The following ZFHX2 variants were observed in gnomAD, a reference collection of about 807,000 sequenced individuals.
ZFHX2 encodes zinc finger homeobox protein 2.
A neutral mutation model predicts 164.8 loss-of-function variants in ZFHX2; 75 were observed. The observed-to-expected ratio is 0.46, with a 90% CI of 0.38 to 0.55. The LOEUF (loss-of-function observed/expected upper bound fraction) is 0.55. ZFHX2 is among the 20% of genes least tolerant of loss of function. ZFHX2 has a pLI of 0.00. For synonymous variants in ZFHX2, 1,217 were observed against 1,351.4 expected, an observed-to-expected ratio of 0.90 and a Z score of 2.18; for missense variants, 2,933 against 3,308.0, an observed-to-expected ratio of 0.89 and a Z score of 2.78.
upstream of ZFHX2, among the ~76,000 whole-genome samples, chr14:23,551,876 G>A (rs1881989381): frequency 6.6e-6 from 1 of 152,176 alleles, no homozygotes; most frequent in African/African-American, 2.4e-5. This position sits in a 1 kb window ranked among gnomAD's most constrained non-coding sequence, Gnocchi z 5.3. Context: ...CTGCCTCGCG[G>A]GACCCAGGGC....
upstream of ZFHX2, among the ~76,000 whole-genome samples, chr14:23,553,928 G>A (rs149539527): frequency 6.6e-6 from 1 of 151,854 alleles, no homozygotes; most frequent in East Asian, 1.9e-4. Flanking sequence ...GGAGGGTGGG[G>A]TGGCACGTGC....
rs1257750729 is a variant in ZFHX2, at chr14:23,532,611, G to A, written c.2515C>T (p.His839Tyr). 1.4e-6 allele frequency: 2 copies of A among 1,453,610 alleles called. No individual in the cohort carries two copies. Among genetic ancestry groups the A allele is most frequent in the Admixed American group, 5.1e-5 (2 of 39,440 alleles). The allele number at this position is 1,453,610 out of a possible 1,614,324, so 90.0% of individuals were successfully genotyped here. A position where few individuals can be genotyped will look rare whatever the true frequency, so the allele number is the denominator to read the frequency against. The stretch of plus-strand genomic sequence containing the variant: ...TCTTCGTGGGCTGCACCCCTGGCAT[G>A]CAGCTGCATCTTCTCCTTGCTGTTG... ...ESNSKEKMQL[H>Y]ARGAAHEENS... The change falls in exon 3 of 10, where the codon CAT becomes TAT. Residue 839 changes from histidine (H) to tyrosine (Y), a missense_variant. His to Tyr is a moderately conservative substitution (Grantham distance 83, BLOSUM62 2). Coordinates refer to ENST00000419474, the MANE Select transcript of ZFHX2 (RefSeq NM_033400.3).
intron 6 of ZFHX2, among the ~76,000 whole-genome samples, chr14:23,528,062 C>T (rs976302561): frequency 6.6e-6 from 1 of 152,144 alleles, no homozygotes; most frequent in Non-Finnish European, 1.5e-5. Flanking sequence ...CGTGTGCAAC[C>T]ACGCCCAGCT....
upstream of ZFHX2, among the ~76,000 whole-genome samples, chr14:23,552,976 T>C (rs889760224): frequency 2.6e-5 from 4 of 152,202 alleles, no homozygotes; most frequent in African/African-American, 9.7e-5. Flanking sequence ...TTACATACAT[T>C]GTTTACTCCT....
Position 23,534,581 on chromosome 14 carries a change from G to A in ZFHX2, c.745C>T (p.Pro249Ser). 1 of 1,536,152 alleles carries A rather than the reference G, an allele frequency of 6.5e-7. No individual in the cohort carries two copies. Among genetic ancestry groups the A allele is most frequent in the Non-Finnish European group, 8.7e-7 (1 of 1,146,910 alleles). The change falls in exon 2 of 10, where the codon CCC (proline) becomes TCC (serine). Residue 249 changes from proline to serine, a missense_variant. Physicochemically the swap from Pro to Ser is moderately conservative, Grantham distance 74 (BLOSUM62 -1). Coordinates refer to ENST00000419474, the MANE Select transcript of ZFHX2 (RefSeq NM_033400.3). The surrounding 1 kb of genome is among the most constrained non-coding windows in gnomAD (Gnocchi z 4.5). ...CLLCRLGFSK[P>S]QAFMDHTQSH... ...TGTGTGTGATCCATAAAGGCCTGGG[G>A]CTTGCTGAAACCCAGGCGGCACAGA...
Position 23,532,862 on chromosome 14 carries a change from C to A in ZFHX2, c.2264G>T (p.Gly755Val). The A allele has an allele frequency of 6.5e-7, 1 of 1,536,218 alleles. No individual in the cohort carries two copies. Among genetic ancestry groups the A allele is most frequent in the Non-Finnish European group, 8.7e-7 (1 of 1,146,926 alleles). The part of the protein sequence containing the change: ...LPEAEWKEVA[G>V]DTHRCKLCCY... ...GCAAAGCTTGCAGCGGTGGGTGTCA[C>A]CAGCCACCTCCTTCCATTCAGCTTC... The change falls in exon 3 of 10, where the codon GGT (glycine) becomes GTT (valine). Residue 755 changes from glycine (G) to valine (V), a missense_variant. By Grantham distance (109) the Gly-to-Val change is moderately radical. Coordinates refer to ENST00000419474, the MANE Select transcript of ZFHX2 (RefSeq NM_033400.3).
chr14:23,539,422 A>T (rs1400645742), intron 1 of ZFHX2, among the ~76,000 whole-genome samples: 1 of 152,204 alleles, frequency 6.6e-6, no homozygotes, highest in East Asian at 1.9e-4. Context: ...AGCTGCCGAG[A>T]GAGAAATGTG....
At chr14:23,529,685 T>C in intron 6 of ZFHX2, 25 bp downstream of exon 6, 1 of 1,534,866 alleles carries the variant, frequency 6.5e-7, no homozygotes, top group Non-Finnish European at 8.7e-7. Flanking sequence ...CCACTTCAGC[T>C]CTTCCCAGTT....
chr14:23,527,017 T>C (rs896921700), intron 7 of ZFHX2, 44 bp from the exon 8 acceptor site: 16 of 1,462,366 alleles, frequency 1.1e-5, no homozygotes, highest in African/African-American at 4.2e-5. Flanking sequence ...CACCCCCCAC[T>C]GCCCCTATGC....
At chr14:23,529,840 G>T (rs1027269555) in intron 5 of ZFHX2, 72 bp from the exon 6 acceptor site, 1 of 1,461,140 alleles carries the variant, frequency 6.8e-7, no homozygotes. Flanking sequence ...AGAGCTTCCA[G>T]GGTAGGGAGT....
Position 23,534,354 on chromosome 14 carries a change from G to A in ZFHX2, c.972C>T (p.Gly324=), listed in dbSNP as rs1420415442. The A allele has an allele frequency of 3.3e-6, 5 of 1,536,676 alleles. No homozygotes were observed. The highest frequency in any genetic ancestry group is 2.4e-5 in the East Asian group (1 of 40,916). ...MEANVAQTED[G]PPEAEVQALI... is the part of the protein sequence containing the mutation. ...GGGCCTGGACTTCTGCCTCAGGGGG[G>A]CCATCCTCTGTCTGGGCCACATTCG... Residue 324 remains glycine, a synonymous_variant, in exon 2 of 10, where the codon GGC becomes GGT. Coordinates refer to ENST00000419474, the MANE Select transcript of ZFHX2 (RefSeq NM_033400.3). This position sits in a 1 kb window ranked among gnomAD's most constrained non-coding sequence, Gnocchi z 4.5.
At position 23,523,432 on chromosome 14, in the gene ZFHX2, G is replaced by A; in HGVS notation, c.6510C>T (p.His2170=). 1.3e-6 allele frequency: 2 copies of A among 1,534,440 alleles called. No individual in the cohort carries two copies. The highest frequency in any genetic ancestry group is 4.9e-5 in the East Asian group (2 of 40,916). The change falls in exon 9 of 10, where the codon CAC becomes CAT. Residue 2170 remains histidine, a synonymous_variant. Transcript: ENST00000419474. This position sits in a 1 kb window ranked among gnomAD's most constrained non-coding sequence, Gnocchi z 4.1. ...SCRGHLFSRQ[H]LAKLKEAVRA... is the part of the protein sequence containing the mutation. ...GAACCGCCTCCTTGAGCTTGGCCAGGTGCTGACGGGAAAAGAGATGGCCTC... is the reference window on the plus strand; with the variant it reads ...GAACCGCCTCCTTGAGCTTGGCCAGATGCTGACGGGAAAAGAGATGGCCTC...
Position 23,524,695 on chromosome 14 carries a change from T to G in ZFHX2, c.5247A>C (p.Ala1749=), listed in dbSNP as rs1878479737. The G allele has an allele frequency of 6.5e-7, 1 of 1,536,304 alleles. No individual in the cohort carries two copies. Among genetic ancestry groups the G allele is most frequent in the South Asian group, 1.2e-5 (1 of 84,056 alleles). ...PDGEELSQAE[A]TKAGGKEPEE... is the part of the protein sequence containing the mutation. The stretch of plus-strand genomic sequence containing the variant: ...CAGGCTCTTTGCCTCCTGCCTTTGT[T>G]GCCTCTGCTTGGCTCAGCTCCTCCC... Residue 1749 remains alanine, a synonymous_variant, in exon 9 of 10, where the codon GCA becomes GCC. Transcript: ENST00000419474. The surrounding 1 kb of genome is among the most constrained non-coding windows in gnomAD (Gnocchi z 5.6).
In ZFHX2 at chr14:23,522,227, G is replaced by A; in HGVS notation, c.7454C>T (p.Pro2485Leu). 1 of 1,478,792 alleles carries A rather than the reference G, an allele frequency of 6.8e-7. No homozygotes were observed. The highest frequency in any genetic ancestry group is 9.0e-7 in the Non-Finnish European group (1 of 1,116,950). The allele number at this position is 1,478,792 out of a possible 1,614,324, so 91.6% of individuals were successfully genotyped here. ...GCAGATGGGCACCCGCAATGGGGGT[G>A]GCATGGAGCCCCCAGAGCCCCGCCC... ...FFGRGSGGSM[P>L]PPLRVPICTY... is the part of the protein sequence containing the mutation. The change falls in exon 10 of 10, where the codon CCA (proline) becomes CTA (leucine). Residue 2485 changes from proline (P) to leucine (L), a missense_variant. Transcript: ENST00000419474.
chr14:23,522,764 C>T lies in ZFHX2; in HGVS notation c.6917G>A (p.Gly2306Glu), dbSNP rs1446252748. 3.9e-6 allele frequency: 6 copies of T among 1,536,418 alleles called. No individual in the cohort carries two copies. Among genetic ancestry groups the T allele is most frequent in the Non-Finnish European group, 5.2e-6 (6 of 1,146,930 alleles). The change falls in exon 10 of 10, where the codon GGG becomes GAG. Residue 2306 changes from glycine (G) to glutamate (E), a missense_variant. Gly to Glu is a moderately conservative substitution (Grantham distance 98). Transcript: ENST00000419474. ...CTTTCGCTCACTGGAGACCTTGTCC[C>T]CCAAGGGCTCAGTAGGAGGGCCTGG... The part of the protein sequence containing the change: ...PVPGPPTEPL[G>E]DKVSSERKPV...
In ZFHX2 at chr14:23,536,106, G is replaced by A. The variant is rs542655581; in HGVS notation, c.-49-732C>T. 6.6e-5 allele frequency among the ~76,000 whole-genome samples: 10 copies of A among 152,198 alleles called. No individual in the cohort carries two copies. In the South Asian group the frequency reaches 1.0e-3, roughly 16 times the overall value. ...ACCATCCTGGGGCCCGCTGAAATCC[G>A]GGCAGCACAGAAGGCAGGCCATTAT... On this transcript the variant is annotated intron_variant, in intron 1 of 9. Transcript: ENST00000419474.
chr14:23,540,150 C>T (rs957423054), intron 1 of ZFHX2, among the ~76,000 whole-genome samples: 7 of 152,176 alleles, frequency 4.6e-5, no homozygotes, highest in Non-Finnish European at 2.9e-5. Context: ...GCCACCACGC[C>T]CAGCTAATTT....
intron 1 of ZFHX2, among the ~76,000 whole-genome samples, chr14:23,540,390 T>C (rs945561737): frequency 6.6e-6 from 1 of 152,188 alleles, no homozygotes; most frequent in Non-Finnish European, 1.5e-5. Context: ...CTCTCTTAAA[T>C]TGTTGCCTCA....
chr14:23,530,525 G>A (rs1158081945), intron 4 of ZFHX2: 2 of 534,088 alleles, frequency 3.7e-6, no homozygotes, highest in Non-Finnish European at 7.1e-6. Flanking sequence ...AAGCCCCAGA[G>A]AAATGTAGTA....
Sources: allele counts gnomAD v4.1 joint callset (sites outside exome capture counted in the v4.1 genomes callset), GRCh38; gene constraint gnomAD v4.1.1; non-coding constraint Gnocchi (gnomAD v3.1); transcripts MANE v1.5; gene names NCBI Gene and HGNC (gene_info 2026-07-23, HGNC 2026-07-21).